ZNF804B: variants seen among roughly 807,000 people sequenced by gnomAD.
ZNF804B encodes the protein zinc finger protein 804B.
Under a neutral mutation model 101.4 loss-of-function variants are expected in ZNF804B, and 80 were observed. The observed-to-expected ratio is 0.79, with a 90% CI of 0.66 to 0.95. ZNF804B has a LOEUF of 0.95. Ranked by LOEUF, ZNF804B falls within the 40% of genes least tolerant of loss-of-function variation. The pLI is 0.00. For synonymous variants in ZNF804B, 622 were observed against 558.8 expected (o/e 1.11, Z -1.59); for missense variants, 1,673 against 1,561.9 (o/e 1.07, Z -1.20).
chr7:89,306,023 C>G (rs1322032993), intron 2 of ZNF804B, among the ~76,000 whole-genome samples: 1 of 151,770 alleles, frequency 6.6e-6, no homozygotes, highest in Non-Finnish European at 1.5e-5. Flanking sequence ...GTAGTTAATA[C>G]AGTTTAGGAA....
intron 1 of ZNF804B, among the ~76,000 whole-genome samples, chr7:89,010,450 C>T (rs1262372341): frequency 2.6e-5 from 4 of 152,162 alleles, no homozygotes; most frequent in Non-Finnish European, 5.9e-5. Flanking sequence ...CTCTTTCTCT[C>T]TGTCTCTTTT....
chr7:89,316,683 A>C (rs559399345), intron 2 of ZNF804B, among the ~76,000 whole-genome samples: 2 of 152,298 alleles, frequency 1.3e-5, no homozygotes, highest in South Asian at 4.1e-4. Context: ...CTGAGGTTGT[A>C]ATGTAAACTA....
chr7:89,158,434 T>G (rs1447012990), intron 1 of ZNF804B, among the ~76,000 whole-genome samples: 1 of 152,134 alleles, frequency 6.6e-6, no homozygotes, highest in Non-Finnish European at 1.5e-5. Context: ...GAAATACTTC[T>G]CAGATCATTT....
At chr7:88,953,287 T>G (rs1157407479) in intron 1 of ZNF804B, among the ~76,000 whole-genome samples, 1 of 151,764 alleles carries the variant, frequency 6.6e-6, no homozygotes, top group Non-Finnish European at 1.5e-5. Flanking sequence ...TCATTCCTTG[T>G]TCAGAGATCT....
At position 89,335,852 on chromosome 7, in the gene ZNF804B, C is replaced by T. The variant is rs774704542; in HGVS notation, c.2870C>T (p.Ala957Val). ...AACAGTTGTAAAAGTGAATTAGAGG[C>T]TCCTTCGCAAGTCCCATGCACAATT... The part of the protein sequence containing the change: ...SSNSCKSELE[A>V]PSQVPCTIQL... Residue 957 changes from alanine (A) to valine (V), a missense_variant, in exon 4 of 4, where the codon GCT becomes GTT. Transcript: ENST00000333190. 4 of 1,614,052 alleles carry T rather than the reference C, an allele frequency of 2.5e-6. No homozygotes were observed. In the South Asian group the frequency reaches 4.4e-5, roughly 18 times the overall value.
chr7:88,911,011 G>C (rs1009548040), intron 1 of ZNF804B, among the ~76,000 whole-genome samples: 1 of 151,872 alleles, frequency 6.6e-6, no homozygotes, highest in Non-Finnish European at 1.5e-5. Context: ...GAAATAAGAG[G>C]GTGGTCAAAT....
chr7:89,327,014 T>C (rs1382849830), intron 2 of ZNF804B, among the ~76,000 whole-genome samples: 1 of 152,012 alleles, frequency 6.6e-6, no homozygotes, highest in Non-Finnish European at 1.5e-5. Context: ...CCTCCCTTCA[T>C]ACTCATTCAT....
intron 1 of ZNF804B, among the ~76,000 whole-genome samples, chr7:88,780,386 C>CTTTTTTTTTT (rs34619990): frequency 8.1e-5 from 9 of 111,180 alleles, no homozygotes; most frequent in East Asian, 5.5e-4. Flanking sequence ...ACTTTTTTGT[C>CTTTTTTTTTT]TTTTTTTTTT....
intron 1 of ZNF804B, among the ~76,000 whole-genome samples, chr7:88,950,358 A>G (rs1457675501): frequency 6.6e-6 from 1 of 151,938 alleles, no homozygotes; most frequent in East Asian, 1.9e-4. Flanking sequence ...TTCAAAAAAT[A>G]GATGATTCAA....
intron 1 of ZNF804B, among the ~76,000 whole-genome samples, chr7:88,771,458 TA>T (rs1213681276): frequency 6.6e-6 from 1 of 152,092 alleles, no homozygotes; most frequent in Non-Finnish European, 1.5e-5. Context: ...AGTTTTATTT[TA>T]AAAATTAATA....
rs186462052 is a variant in ZNF804B, at chr7:88,945,598, T to G, written c.108+185514T>G. Among the ~76,000 whole-genome samples, 404 of 147,992 alleles carry G rather than the reference T, an allele frequency of 2.7e-3. 4 individuals are homozygous for G. Among genetic ancestry groups the G allele is most frequent in the African/African-American group, 9.9e-3 (390 of 39,582 alleles). On this transcript the variant is annotated intron_variant, in intron 1 of 3. Coordinates refer to ENST00000333190, the MANE Select transcript of ZNF804B (RefSeq NM_181646.5). Reference sequence around the variant, plus strand: ...GCTCTGTTTTGGTTCCATATGAAATTTAAAGTAGTTTTTTCTAATTCTGTG... The same window carrying G: ...GCTCTGTTTTGGTTCCATATGAAATGTAAAGTAGTTTTTTCTAATTCTGTG...
rs1037640530 is a variant in ZNF804B at position 89,311,138 on chromosome 7, C to CA, written c.250-16199dup. 6.6e-5 allele frequency among the ~76,000 whole-genome samples: 10 copies of CA among 152,154 alleles called. No individual in the cohort carries two copies. In the South Asian group the frequency reaches 1.0e-3, roughly 16 times the overall value. On this transcript the variant is annotated intron_variant, in intron 2 of 3. Coordinates refer to ENST00000333190, the MANE Select transcript of ZNF804B (RefSeq NM_181646.5). ...TAGAGGTAGAAATGAACCTCACACA[C>CA]AAAAAAATCCTTACTGATTCTCTTA...
chr7:89,179,342 T>C (rs920187328), intron 1 of ZNF804B, among the ~76,000 whole-genome samples: 5 of 152,138 alleles, frequency 3.3e-5, no homozygotes, highest in Non-Finnish European at 7.4e-5. Context: ...GTTGAATTCT[T>C]TTATATTCTT....
intron 1 of ZNF804B, among the ~76,000 whole-genome samples, chr7:89,124,658 G>T (rs968739595): frequency 1.3e-5 from 2 of 152,148 alleles, no homozygotes; most frequent in African/African-American, 4.8e-5. Flanking sequence ...CTATCACCCT[G>T]TCTCAAAAAT....
intron 1 of ZNF804B, among the ~76,000 whole-genome samples, chr7:88,848,628 T>A (rs570531870): frequency 1.3e-5 from 2 of 151,674 alleles, no homozygotes; most frequent in South Asian, 4.2e-4. Flanking sequence ...TTTCTTTTTT[T>A]TTTTTTTTTT....
intron 2 of ZNF804B, among the ~76,000 whole-genome samples, chr7:89,263,066 G>A (rs1275194825): frequency 6.6e-6 from 1 of 152,176 alleles, no homozygotes; most frequent in African/African-American, 2.4e-5. Flanking sequence ...GTGACTGTGA[G>A]AAAGTGGCAT....
intron 1 of ZNF804B, among the ~76,000 whole-genome samples, chr7:89,047,329 T>C (rs563413084): frequency 2.0e-5 from 3 of 152,328 alleles, no homozygotes; most frequent in Non-Finnish European, 4.4e-5. Context: ...TTCACCAGAT[T>C]ATAGGGAAAC....
chr7:89,286,037 G>A (rs1790191615), intron 2 of ZNF804B, among the ~76,000 whole-genome samples: 1 of 152,146 alleles, frequency 6.6e-6, no homozygotes, highest in Admixed American at 6.5e-5. Context: ...TTTTCTCCCT[G>A]AAGTCAGGAA....
chr7:89,321,462 G>A (rs1193258621), intron 2 of ZNF804B, among the ~76,000 whole-genome samples: 1 of 152,094 alleles, frequency 6.6e-6, no homozygotes, highest in Non-Finnish European at 1.5e-5. Flanking sequence ...TTGGGCAACA[G>A]AGCGAGACCC....
Sources: gnomAD v4.1 joint callset for allele counts (sites outside exome capture counted in the v4.1 genomes callset) on GRCh38, gnomAD v4.1.1 for gene constraint, MANE v1.5 for transcripts, NCBI Gene and HGNC (gene_info 2026-07-23, HGNC 2026-07-21) for gene names.